SMARCC1: variants seen among roughly 807,000 people sequenced by gnomAD.
SMARCC1 encodes the protein SWI/SNF complex subunit SMARCC1.
A neutral mutation model predicts 147.4 loss-of-function variants in SMARCC1; 43 were observed. That is an observed-to-expected ratio of 0.29 (90% CI 0.23 to 0.38). SMARCC1 has a LOEUF of 0.38. Ranked by LOEUF, SMARCC1 falls within the 10% of genes least tolerant of loss-of-function variation. The pLI is 1.00. For synonymous variants in SMARCC1, 495 were observed against 484.4 expected (o/e 1.02, Z -0.29); for missense variants, 1,119 against 1,381.1 (o/e 0.81, Z 3.01).
At position 47,677,843 on chromosome 3, in the gene SMARCC1, T is replaced by G. The variant is rs75828057; in HGVS notation, c.1571+355A>C. Among the ~76,000 whole-genome samples the G allele has an allele frequency of 3.1e-3, 476 of 152,200 alleles. 1 individual carries two copies. Among genetic ancestry groups the G allele is most frequent in the African/African-American group, 0.011 (455 of 41,536 alleles). ...GTAAGCCACTGCACCCAGCCTAAAT[T>G]AAATATTTAAAATTTTCAACCTCTA... On this transcript the variant is annotated intron_variant, in intron 16 of 27. Coordinates refer to ENST00000254480, the MANE Select transcript of SMARCC1 (RefSeq NM_003074.4).
intron 3 of SMARCC1, among the ~76,000 whole-genome samples, chr3:47,739,752 T>TC (rs1232184343): frequency 6.6e-6 from 1 of 152,106 alleles, no homozygotes; most frequent in East Asian, 1.9e-4. Flanking sequence ...TCCCCACACT[T>TC]CCAATCTTTC....
intron 2 of SMARCC1, among the ~76,000 whole-genome samples, chr3:47,755,356 C>A (rs78646239): frequency 6.6e-6 from 1 of 150,672 alleles, no homozygotes; most frequent in African/African-American, 2.4e-5. Flanking sequence ...AAAAATTAGA[C>A]AGGCACGGTG....
chr3:47,730,772 A>G (rs1410791344), intron 5 of SMARCC1, among the ~76,000 whole-genome samples: 2 of 151,952 alleles, frequency 1.3e-5, no homozygotes, highest in East Asian at 1.9e-4. Flanking sequence ...AGGCTGAGGC[A>G]GGAGAATCCC....
At chr3:47,669,375 C>T (rs1559640164) in intron 19 of SMARCC1, among the ~76,000 whole-genome samples, 1 of 152,170 alleles carries the variant, frequency 6.6e-6, no homozygotes, top group Non-Finnish European at 1.5e-5. Context: ...ATACAACTTA[C>T]TTTCTCTCCA....
chr3:47,744,308 A>AT (rs1278270133), intron 3 of SMARCC1, among the ~76,000 whole-genome samples: 1 of 151,738 alleles, frequency 6.6e-6, no homozygotes, highest in Non-Finnish European at 1.5e-5. Context: ...AGTCTGGCTA[A>AT]TTTTTTTTGT....
Position 47,585,580 on chromosome 3 carries a change from A to G in SMARCC1, c.*2629T>C, listed in dbSNP as rs1447830417. 6.6e-6 allele frequency: 1 copy of G among 152,260 alleles called. No homozygotes were observed. Among genetic ancestry groups the G allele is most frequent in the African/African-American group, 2.4e-5 (1 of 41,468 alleles). The allele number at this position is 152,260 out of a possible 1,614,324, so 9.4% of individuals were successfully genotyped here. A position where few individuals can be genotyped will look rare whatever the true frequency, so the allele number is the denominator to read the frequency against. On this transcript the variant is annotated 3_prime_UTR_variant, in exon 28 of 28. Coordinates refer to ENST00000254480, the MANE Select transcript of SMARCC1 (RefSeq NM_003074.4). ...GCCTGCCTCCAACTTGGGACTGTCTAAACTGCATCCTGACAAACATTATCC... is the reference window on the plus strand; with the variant it reads ...GCCTGCCTCCAACTTGGGACTGTCTGAACTGCATCCTGACAAACATTATCC...
intron 2 of SMARCC1, among the ~76,000 whole-genome samples, chr3:47,761,088 G>A (rs936143219): frequency 9.9e-5 from 15 of 151,934 alleles, no homozygotes; most frequent in African/African-American, 1.4e-4. Flanking sequence ...AGCTGAGATC[G>A]CGCTACCACA....
chr3:47,781,816 C>A lies in SMARCC1; in HGVS notation c.-19G>T, dbSNP rs1396792647. 7.2e-7 allele frequency: 1 copy of A among 1,386,994 alleles called. No individual in the cohort carries two copies. The highest frequency in any genetic ancestry group is 1.6e-5 in the South Asian group (1 of 61,250). The allele number at this position is 1,386,994 out of a possible 1,614,324, so 85.9% of individuals were successfully genotyped here. A position where few individuals can be genotyped will look rare whatever the true frequency, so the allele number is the denominator to read the frequency against. Reference sequence around the variant, plus strand: ...CGGCCATCGTCGCAGCCCGTCGTCCCCACAGCCTGGCCCACCCCGGCCCTC... The same window carrying A: ...CGGCCATCGTCGCAGCCCGTCGTCCACACAGCCTGGCCCACCCCGGCCCTC... On this transcript the variant is annotated 5_prime_UTR_variant, in exon 1 of 28. Coordinates refer to ENST00000254480, the MANE Select transcript of SMARCC1 (RefSeq NM_003074.4).
Position 47,600,998 on chromosome 3 carries a change from TGAGAGAGAGAGA to T in SMARCC1, c.3043+9056_3043+9067del, listed in dbSNP as rs66582985. ...CCAGCAGACAGGGAGAGGAAGAAAA[TGAGAGAGAGAGA>T]GAGAGAGAGAGAGAGAGAGAGAGAG... On this transcript the variant is annotated intron_variant, in intron 26 of 27. Coordinates refer to ENST00000254480, the MANE Select transcript of SMARCC1 (RefSeq NM_003074.4). Among the ~76,000 whole-genome samples, 740 of 85,200 alleles carry T rather than the reference TGAGAGAGAGAGA, an allele frequency of 8.7e-3. 11 individuals carry two copies. The highest frequency in any genetic ancestry group is 0.022 in the African/African-American group (431 of 19,572). The allele number at this position is 85,200 out of a possible 152,430, so 55.9% of individuals were successfully genotyped here.
intron 24 of SMARCC1, among the ~76,000 whole-genome samples, chr3:47,626,662 T>G (rs1316842248): frequency 6.6e-6 from 1 of 152,274 alleles, no homozygotes; most frequent in African/African-American, 2.4e-5. Context: ...AGATTAAAGA[T>G]AGCCACAAGT....
chr3:47,703,407 T>G (rs1365942528), intron 10 of SMARCC1, among the ~76,000 whole-genome samples: 1 of 152,230 alleles, frequency 6.6e-6, no homozygotes, highest in East Asian at 1.9e-4. Context: ...TTTTATTCAT[T>G]TATTCCTCAG....
intron 19 of SMARCC1, among the ~76,000 whole-genome samples, chr3:47,662,919 T>C (rs2033367103): frequency 6.7e-6 from 1 of 150,134 alleles, no homozygotes; most frequent in African/African-American, 2.5e-5. Context: ...CTACTAAAAA[T>C]ACAAAAATTA....
rs1189698505 is a variant in SMARCC1 at position 47,714,458 on chromosome 3, T to C, written c.749A>G (p.Asp250Gly). 51 of 1,592,586 alleles carry C rather than the reference T, an allele frequency of 3.2e-5. No homozygotes were observed. Among genetic ancestry groups the C allele is most frequent in the Non-Finnish European group, 4.3e-5 (50 of 1,162,010 alleles). Residue 250 changes from aspartate to glycine, a missense_variant, in exon 8 of 28, where the codon GAT (aspartate) becomes GGT (glycine). Transcript: ENST00000254480. The stretch of plus-strand genomic sequence containing the variant: ...AATTGGTGGATCTTCAATTTCAGCA[T>C]CAACATCATTACTATGGACCCAAGT... ...YDTWVHSNDV[D>G]AEIEDPPIPE...
intron 26 of SMARCC1, 52 bp downstream of exon 26, chr3:47,610,014 G>C: frequency 6.3e-7 from 1 of 1,584,668 alleles, no homozygotes; most frequent in Admixed American, 1.7e-5. Flanking sequence ...ATGATGCTCT[G>C]TGCCTCTGTA....
chr3:47,755,191 A>ATC (rs2034681138), intron 2 of SMARCC1, among the ~76,000 whole-genome samples: 1 of 152,090 alleles, frequency 6.6e-6, no homozygotes, highest in Non-Finnish European at 1.5e-5. Flanking sequence ...AGTCTGAGTG[A>ATC]GAGTCTGTCT....
At chr3:47,686,239 C>T (rs991279877) in intron 13 of SMARCC1, 69 bp from the exon 14 acceptor site, 6 of 1,242,006 alleles carry the variant, frequency 4.8e-6, no homozygotes, top group South Asian at 1.3e-5. Context: ...ACATCTCTTA[C>T]ACTTCAGTTG....
intron 22 of SMARCC1, among the ~76,000 whole-genome samples, chr3:47,636,758 AAAC>A (rs1310533592): frequency 1.3e-5 from 2 of 151,088 alleles, no homozygotes; most frequent in Admixed American, 6.6e-5. Flanking sequence ...TCCATCTCAA[AAAC>A]AACAACAACC....
At chr3:47,692,355 G>A (rs1167979289) in intron 12 of SMARCC1, among the ~76,000 whole-genome samples, 3 of 152,176 alleles carry the variant, frequency 2.0e-5, no homozygotes, top group African/African-American at 4.8e-5. Flanking sequence ...AGGAAAGGAT[G>A]ATGTCATTCT....
intron 2 of SMARCC1, among the ~76,000 whole-genome samples, chr3:47,769,569 C>T (rs2034883527): frequency 6.6e-6 from 1 of 151,918 alleles, no homozygotes; most frequent in Non-Finnish European, 1.5e-5. Flanking sequence ...CCTGAAAATC[C>T]CATCCTCCCC....
Sources: allele counts gnomAD v4.1 joint callset (sites outside exome capture counted in the v4.1 genomes callset), GRCh38; gene constraint gnomAD v4.1.1; transcripts MANE v1.5; gene names NCBI Gene and HGNC (gene_info 2026-07-23, HGNC 2026-07-21).